NEGR1: variants seen among roughly 807,000 people sequenced by gnomAD.
NEGR1 encodes IgLON family member 4.
NEGR1 carries 10 observed loss-of-function variants against 40.9 expected under a neutral mutation model. The ratio of observed to expected loss-of-function variants is 0.24; its 90% CI spans 0.15 to 0.42. The LOEUF is 0.42. Ranked by LOEUF, NEGR1 falls within the 10% of genes least tolerant of loss-of-function variation. NEGR1 has a pLI of 1.00. For missense variants in NEGR1, 352 were observed against 438.9 expected, an observed-to-expected ratio of 0.80 and a Z score of 1.77; for synonymous variants, 185 against 166.8, an observed-to-expected ratio of 1.11 and a Z score of -0.84.
rs574482510 is a variant in NEGR1, at chr1:72,259,305, A to T, written c.176+23014T>A. The stretch of plus-strand genomic sequence containing the variant: ...GCCAAGCACACAACAAGCTTCCTGA[A>T]GAGATGGTTAACGGATAAGGATAAA... On this transcript the variant is annotated intron_variant, in intron 1 of 6. Transcript: ENST00000357731. Among the ~76,000 whole-genome samples the T allele has an allele frequency of 9.9e-5, 15 of 152,276 alleles. No individual in the cohort carries two copies. In the South Asian group the frequency reaches 3.1e-3, roughly 32 times the overall value.
chr1:72,096,399 T>C (rs1648698177), intron 1 of NEGR1, among the ~76,000 whole-genome samples: 1 of 152,110 alleles, frequency 6.6e-6, no homozygotes, highest in African/African-American at 2.4e-5. Context: ...CAGTGAAATT[T>C]GGTGTGATCT....
chr1:71,413,073 A>T (rs1646333830), intron 6 of NEGR1, among the ~76,000 whole-genome samples: 1 of 152,192 alleles, frequency 6.6e-6, no homozygotes, highest in African/African-American at 2.4e-5. Flanking sequence ...TTCCAATTCC[A>T]TCCCTTTCTA....
intron 4 of NEGR1, among the ~76,000 whole-genome samples, chr1:71,675,797 TTTTTTG>T (rs912814918): frequency 4.2e-4 from 2 of 4,764 alleles, no homozygotes; most frequent in African/African-American, 4.6e-4. Flanking sequence ...TTGTTTTTTG[TTTTTTG>T]TTTTTTTTTT....
chr1:72,089,682 T>C (rs1648385524), intron 1 of NEGR1, among the ~76,000 whole-genome samples: 1 of 152,178 alleles, frequency 6.6e-6, no homozygotes, highest in Non-Finnish European at 1.5e-5. Flanking sequence ...TATAAACCTT[T>C]TATTTTTCCT....
intron 1 of NEGR1, among the ~76,000 whole-genome samples, chr1:72,158,142 G>C (rs777066040): frequency 1.3e-5 from 2 of 152,186 alleles, no homozygotes; most frequent in Admixed American, 6.6e-5. Context: ...CTCTACGTGA[G>C]AGCCAGGCAT....
chr1:71,897,897 T>C (rs1172133342), intron 2 of NEGR1, among the ~76,000 whole-genome samples: 3 of 152,154 alleles, frequency 2.0e-5, no homozygotes, highest in African/African-American at 7.2e-5. Flanking sequence ...GACTTAGACA[T>C]GAGATTTTCA....
chr1:72,065,321 C>A (rs1442701675), intron 1 of NEGR1, among the ~76,000 whole-genome samples: 1 of 151,988 alleles, frequency 6.6e-6, no homozygotes, highest in Non-Finnish European at 1.5e-5. Context: ...CTTAGAAATC[C>A]TTCCTCTACT....
intron 6 of NEGR1, among the ~76,000 whole-genome samples, chr1:71,559,833 G>T (rs556050131): frequency 1.2e-5 from 1 of 84,468 alleles, no homozygotes; most frequent in Admixed American, 1.0e-4. Flanking sequence ...TTATCATTCT[G>T]GTAAAAAAAA....
chr1:72,274,447 G>C, intron 1 of NEGR1: 1 of 553,434 alleles, frequency 1.8e-6, no homozygotes, highest in Non-Finnish European at 3.3e-6. Context: ...ACAACTGTAT[G>C]GATCCAGCTC....
chr1:71,912,160 C>T (rs532027569), intron 2 of NEGR1, among the ~76,000 whole-genome samples: 9 of 152,222 alleles, frequency 5.9e-5, no homozygotes, highest in East Asian at 5.8e-4. Flanking sequence ...TCCTACAGGG[C>T]GAAGACCAAG....
At chr1:71,814,433 G>A (rs1658125039) in intron 2 of NEGR1, among the ~76,000 whole-genome samples, 1 of 152,074 alleles carries the variant, frequency 6.6e-6, no homozygotes, top group Non-Finnish European at 1.5e-5. Flanking sequence ...CATAAAGTGA[G>A]TTAGAGAGAA....
At chr1:71,531,914 A>AT (rs142177298) in intron 6 of NEGR1, among the ~76,000 whole-genome samples, 6,116 of 149,806 alleles carry the variant, frequency 0.041, 409 homozygotes, top group African/African-American at 0.14. Context: ...TTGAGATAGA[A>AT]TTTTTTTTTT....
chr1:72,024,099 C>T (rs945601026), intron 1 of NEGR1, among the ~76,000 whole-genome samples: 1 of 152,068 alleles, frequency 6.6e-6, no homozygotes, highest in African/African-American at 2.4e-5. Flanking sequence ...CTCAAGGCAA[C>T]ACCCTTGTTC....
At chr1:71,913,471 G>C (rs1661481042) in intron 2 of NEGR1, among the ~76,000 whole-genome samples, 1 of 152,106 alleles carries the variant, frequency 6.6e-6, no homozygotes, top group African/African-American at 2.4e-5. Context: ...AACAAGACAA[G>C]AAAAGAAGCC....
At chr1:71,803,783 T>C (rs538636127) in intron 2 of NEGR1, among the ~76,000 whole-genome samples, 1 of 152,344 alleles carries the variant, frequency 6.6e-6, no homozygotes, top group South Asian at 2.1e-4. Flanking sequence ...AAATTACTTA[T>C]ATGTTTTGTT....
At chr1:71,922,564 G>A (rs1000763771) in intron 2 of NEGR1, among the ~76,000 whole-genome samples, 3 of 152,074 alleles carry the variant, frequency 2.0e-5, no homozygotes, top group Non-Finnish European at 4.4e-5. Context: ...CATGAGAAGG[G>A]TAATTAATTT....
chr1:71,824,335 T>C (rs1557666578), intron 2 of NEGR1, among the ~76,000 whole-genome samples: 1 of 151,468 alleles, frequency 6.6e-6, no homozygotes, highest in African/African-American at 2.4e-5. Context: ...TATAAATACA[T>C]TGTGAAGGAG....
chr1:72,205,096 C>CA (rs1653345858), intron 1 of NEGR1, among the ~76,000 whole-genome samples: 1 of 151,782 alleles, frequency 6.6e-6, no homozygotes, highest in South Asian at 2.1e-4. Context: ...CACAGGATTA[C>CA]AATTGGAAAC....
intron 6 of NEGR1, among the ~76,000 whole-genome samples, chr1:71,494,537 G>C (rs959400249): frequency 3.3e-5 from 5 of 152,126 alleles, no homozygotes; most frequent in Non-Finnish European, 7.4e-5. Context: ...AATAACCCAT[G>C]ACTATAATAG....
Sources: allele counts gnomAD v4.1 joint callset (sites outside exome capture counted in the v4.1 genomes callset), GRCh38; gene constraint gnomAD v4.1.1; transcripts MANE v1.5; gene names NCBI Gene and HGNC (gene_info 2026-07-23, HGNC 2026-07-21).